SQOR: variants seen among roughly 807,000 people sequenced by gnomAD.
The protein encoded by SQOR is sulfide quinone oxidoreductase.
SQOR carries 39 observed loss-of-function variants against 48.6 expected under a neutral mutation model. The ratio of observed to expected loss-of-function variants is 0.80; its 90% confidence interval spans 0.62 to 1.05. SQOR has a LOEUF of 1.05. Among genes scored for constraint, SQOR ranks in the 50% least tolerant of loss-of-function variants. The pLI, the probability that SQOR is intolerant of heterozygous loss-of-function variation, is 0.00. For synonymous variants in SQOR, 220 were observed against 206.2 expected, an observed-to-expected ratio of 1.07 and a Z score of -0.57; for missense variants, 561 against 559.9, an observed-to-expected ratio of 1.00 and a Z score of -0.02.
At chr15:45,645,514 C>T (rs916690587) in intron 1 of SQOR, among the ~76,000 whole-genome samples, 6 of 152,160 alleles carry the variant, frequency 3.9e-5, no homozygotes, top group East Asian at 1.9e-4. Flanking sequence ...GTTGGCCTTA[C>T]GCAATCAGCT....
At chr15:45,632,831 T>C (rs542087433), upstream of SQOR, among the ~76,000 whole-genome samples, 16 of 151,882 alleles carry the variant, frequency 1.1e-4, no homozygotes, top group East Asian at 3.1e-3. Context: ...TGGCCAGTCA[T>C]GGTGGCCCAC....
chr15:45,659,580 G>T (rs1889684546), intron 2 of SQOR, among the ~76,000 whole-genome samples: 1 of 152,076 alleles, frequency 6.6e-6, no homozygotes. Flanking sequence ...GCTTCTGGTG[G>T]TTACCCTGAA....
intron 1 of SQOR, among the ~76,000 whole-genome samples, chr15:45,641,731 G>T (rs1895107906): frequency 6.6e-6 from 1 of 152,150 alleles, no homozygotes; most frequent in South Asian, 2.1e-4. Context: ...GTTTTCAAGG[G>T]GGGTGCTTTC....
In SQOR at chr15:45,691,047, G is replaced by C; in HGVS notation, c.*17G>C. 1 of 1,613,070 alleles carries C rather than the reference G, an allele frequency of 6.2e-7. No homozygotes were observed. The highest frequency in any genetic ancestry group is 8.5e-7 in the Non-Finnish European group (1 of 1,179,032). On this transcript the variant is annotated 3_prime_UTR_variant, in exon 10 of 10. Coordinates refer to ENST00000260324, the MANE Select transcript of SQOR (RefSeq NM_021199.4). ...ATGAGTTAAGGATGGCTCAGCACTTGCTCATCTTGGATGGCTTCTGGGCCA... is the reference window on the plus strand; with the variant it reads ...ATGAGTTAAGGATGGCTCAGCACTTCCTCATCTTGGATGGCTTCTGGGCCA...
chr15:45,652,169 C>T lies in SQOR; in HGVS notation c.-17-6738C>T, dbSNP rs150763816. Among the ~76,000 whole-genome samples, 1,277 of 151,862 alleles carry T rather than the reference C, an allele frequency of 8.4e-3. 18 individuals are homozygous for T. The highest frequency in any genetic ancestry group is 0.03 in the African/African-American group (1,225 of 41,432). On this transcript the variant is annotated intron_variant, in intron 1 of 9. Coordinates refer to ENST00000260324, the MANE Select transcript of SQOR (RefSeq NM_021199.4). ...GATTACAGGCGTGAGCCACCACGTCCGGCCGGTAGTTAATTCTTATTTCTT... is the reference window on the plus strand; with the variant it reads ...GATTACAGGCGTGAGCCACCACGTCTGGCCGGTAGTTAATTCTTATTTCTT...
chr15:45,647,859 G>A (rs1196959645), intron 1 of SQOR, among the ~76,000 whole-genome samples: 1 of 152,118 alleles, frequency 6.6e-6, no homozygotes, highest in Non-Finnish European at 1.5e-5. Context: ...GGAGGCTGCA[G>A]TGAGTGGAGA....
intron 1 of SQOR, among the ~76,000 whole-genome samples, chr15:45,649,587 C>T (rs545674841): frequency 7.9e-5 from 12 of 152,166 alleles, no homozygotes; most frequent in African/African-American, 2.4e-4. Flanking sequence ...GCAATTGATT[C>T]TCCTGCCTCA....
chr15:45,685,139 G>A (rs749100662), intron 7 of SQOR, among the ~76,000 whole-genome samples: 1 of 152,142 alleles, frequency 6.6e-6, no homozygotes, highest in Non-Finnish European at 1.5e-5. Flanking sequence ...ATTAAGAGGA[G>A]TGGCAAAAAC....
At chr15:45,668,951 A>G (rs1889888336) in intron 3 of SQOR, among the ~76,000 whole-genome samples, 2 of 151,894 alleles carry the variant, frequency 1.3e-5, no homozygotes, top group African/African-American at 4.8e-5. Context: ...GACTTTTTTC[A>G]TCCCATACAG....
intron 1 of SQOR, among the ~76,000 whole-genome samples, chr15:45,639,325 T>C (rs1277551239): frequency 2.0e-5 from 3 of 152,260 alleles, no homozygotes; most frequent in East Asian, 1.9e-4. Flanking sequence ...TGTTGTGCCA[T>C]GTACATAGTA....
chr15:45,650,442 C>T (rs1229049182), intron 1 of SQOR, among the ~76,000 whole-genome samples: 1 of 152,154 alleles, frequency 6.6e-6, no homozygotes, highest in Non-Finnish European at 1.5e-5. Flanking sequence ...AGTGAAGCTG[C>T]AGACCTTCAC....
At chr15:45,678,620 T>C (rs1312065488) in intron 6 of SQOR, among the ~76,000 whole-genome samples, 1 of 152,066 alleles carries the variant, frequency 6.6e-6, no homozygotes, top group Non-Finnish European at 1.5e-5. Flanking sequence ...AGTATCTATC[T>C]GCAGCAGCTC....
chr15:45,689,691 A>G (rs1394450846), intron 9 of SQOR, among the ~76,000 whole-genome samples: 1 of 152,074 alleles, frequency 6.6e-6, no homozygotes, highest in African/African-American at 2.4e-5. Context: ...ATGTGTTGGG[A>G]TTACAGGCAT....
intron 1 of SQOR, among the ~76,000 whole-genome samples, chr15:45,638,819 G>A (rs1895057140): frequency 6.6e-6 from 1 of 151,900 alleles, no homozygotes; most frequent in Admixed American, 6.6e-5. Context: ...CTTATAAGAA[G>A]ATGACTCGTC....
At chr15:45,661,328 C>T (rs1172264074) in intron 2 of SQOR, among the ~76,000 whole-genome samples, 1 of 128,812 alleles carries the variant, frequency 7.8e-6, no homozygotes, top group South Asian at 2.6e-4. Context: ...CCATCTGAAG[C>T]AAGAAAACTC....
chr15:45,663,309 T>C (rs1889753930), intron 3 of SQOR, among the ~76,000 whole-genome samples: 1 of 152,126 alleles, frequency 6.6e-6, no homozygotes. Context: ...TGAGCCATTG[T>C]GCCCGGCCTG....
At chr15:45,654,396 C>G (rs1889557237) in intron 1 of SQOR, among the ~76,000 whole-genome samples, 2 of 152,156 alleles carry the variant, frequency 1.3e-5, no homozygotes, top group South Asian at 4.1e-4. Flanking sequence ...AATTTGACTG[C>G]AAAGGCCAGG....
At position 45,650,554 on chromosome 15, in the gene SQOR, C is replaced by G. The variant is rs549537384; in HGVS notation, c.-17-8353C>G. 6.7e-5 allele frequency among the ~76,000 whole-genome samples: 10 copies of G among 150,124 alleles called. No individual in the cohort carries two copies. In the East Asian group the frequency reaches 1.7e-3, roughly 26 times the overall value. ...GCAAAAGAAGAAAGCATCCACAACA[C>G]GAAAGAGGACCAGAAAGGACTGCCA... is the stretch of plus-strand genomic sequence containing the variant. On this transcript the variant is annotated intron_variant, in intron 1 of 9. Transcript: ENST00000260324.
At chr15:45,689,488 G>T in intron 9 of SQOR, 1 of 208,350 alleles carries the variant, frequency 4.8e-6, no homozygotes, top group Non-Finnish European at 9.6e-6. Flanking sequence ...CACAATCTTG[G>T]CTCACTGCAA....
Sources: gnomAD v4.1 joint callset for allele counts (sites outside exome capture counted in the v4.1 genomes callset) on GRCh38, gnomAD v4.1.1 for gene constraint, MANE v1.5 for transcripts, NCBI Gene and HGNC (gene_info 2026-07-23, HGNC 2026-07-21) for gene names.